The following PDE4D variants were observed in gnomAD, a reference collection of about 807,000 sequenced individuals.
PDE4D encodes the protein 3',5'-cyclic-AMP phosphodiesterase 4D.
In PDE4D, 24 loss-of-function variants were observed where a neutral mutation model predicts 87.4. The observed-to-expected ratio is 0.27, with a 90% CI of 0.20 to 0.39. PDE4D has a LOEUF of 0.39. Among genes scored for constraint, PDE4D ranks in the 10% least tolerant of loss-of-function variants. The pLI, the probability that PDE4D is intolerant of heterozygous loss-of-function variation, is 1.00. For synonymous variants in PDE4D, 384 were observed against 383.2 expected (o/e 1.00, Z -0.02); for missense variants, 714 against 1,041.0 (o/e 0.69, Z 4.32).
intron 1 of PDE4D, among the ~76,000 whole-genome samples, chr5:60,430,545 G>GTTTTTTTTTTTTT (rs1303120305): frequency 4.3e-5 from 5 of 116,348 alleles, no homozygotes; most frequent in African/African-American, 2.0e-4. Flanking sequence ...GTTTTTTTTT[G>GTTTTTTTTTTTTT]TTTGTTTTTT....
chr5:60,235,823 A>G (rs1209996829), intron 1 of PDE4D, among the ~76,000 whole-genome samples: 3 of 151,886 alleles, frequency 2.0e-5, no homozygotes, highest in African/African-American at 7.2e-5. Flanking sequence ...AAATATTTCA[A>G]TATAACAGAA....
chr5:59,824,233 A>G (rs920111087), intron 1 of PDE4D, among the ~76,000 whole-genome samples: 2 of 152,210 alleles, frequency 1.3e-5, no homozygotes, highest in African/African-American at 2.4e-5. Context: ...AATTTTATTA[A>G]TGAGATATTT....
chr5:59,275,537 A>C (rs1224994904), intron 1 of PDE4D: 1 of 1,457,796 alleles, frequency 6.9e-7, no homozygotes, highest in Non-Finnish European at 9.0e-7. Flanking sequence ...ATTTTCCTGG[A>C]GTCCATCTCC....
intron 6 of PDE4D, among the ~76,000 whole-genome samples, chr5:58,997,787 C>T (rs1042408053): frequency 6.6e-6 from 1 of 152,046 alleles, no homozygotes; most frequent in Non-Finnish European, 1.5e-5. Flanking sequence ...GCAGTTGAAT[C>T]TCAATACTGT....
chr5:59,715,824 C>T (rs1287554588), intron 1 of PDE4D, among the ~76,000 whole-genome samples: 2 of 152,168 alleles, frequency 1.3e-5, no homozygotes, highest in Admixed American at 6.5e-5. Context: ...ATTCGGGTAA[C>T]ATCATCATGG....
intron 1 of PDE4D, among the ~76,000 whole-genome samples, chr5:60,498,616 G>C (rs1749928777): frequency 1.3e-5 from 2 of 152,204 alleles, no homozygotes. Flanking sequence ...CTGCCCTCTT[G>C]TTCCTGTACT....
At chr5:59,909,134 A>G (rs1753163312) in intron 3 of PDE4D, among the ~76,000 whole-genome samples, 3 of 152,170 alleles carry the variant, frequency 2.0e-5, no homozygotes, top group Admixed American at 6.5e-5. Context: ...GGTCTTATCA[A>G]TTCTTCCTTC....
chr5:59,655,377 C>T (rs1744189663), intron 1 of PDE4D, among the ~76,000 whole-genome samples: 1 of 152,138 alleles, frequency 6.6e-6, no homozygotes, highest in African/African-American at 2.4e-5. Context: ...AAGGTAGAAG[C>T]ACTTACTGAT....
At chr5:59,727,588 A>G (rs1756788403) in intron 1 of PDE4D, among the ~76,000 whole-genome samples, 1 of 152,104 alleles carries the variant, frequency 6.6e-6, no homozygotes, top group Admixed American at 6.6e-5. Context: ...ATAAGTGAGA[A>G]TGAGATCCTC....
chr5:60,070,792 G>A (rs1348550843), intron 2 of PDE4D, among the ~76,000 whole-genome samples: 1 of 152,018 alleles, frequency 6.6e-6, no homozygotes, highest in Non-Finnish European at 1.5e-5. Flanking sequence ...AATTTCACCA[G>A]TGAAGCCACC....
chr5:59,343,962 A>G (rs1779204951), intron 1 of PDE4D, among the ~76,000 whole-genome samples: 1 of 152,180 alleles, frequency 6.6e-6, no homozygotes, highest in African/African-American at 2.4e-5. Flanking sequence ...CAACCTAACA[A>G]AATGTTGTGG....
chr5:60,513,329 G>A (rs1211573195), intron 1 of PDE4D, among the ~76,000 whole-genome samples: 2 of 152,050 alleles, frequency 1.3e-5, no homozygotes, highest in Non-Finnish European at 2.9e-5. Flanking sequence ...TAGATTTTAA[G>A]ACAAAACATT....
chr5:59,497,744 C>T (rs1807486558), intron 1 of PDE4D, among the ~76,000 whole-genome samples: 1 of 152,236 alleles, frequency 6.6e-6, no homozygotes, highest in South Asian at 2.1e-4. Flanking sequence ...ACTTGGAACA[C>T]ATATTTGAGG....
At chr5:60,219,534 A>G (rs1226205101) in intron 1 of PDE4D, among the ~76,000 whole-genome samples, 1 of 152,188 alleles carries the variant, frequency 6.6e-6, no homozygotes, top group East Asian at 1.9e-4. Context: ...TTACCTTACA[A>G]ATATAATTTA....
At chr5:59,383,374 C>G (rs1202430126) in intron 1 of PDE4D, among the ~76,000 whole-genome samples, 1 of 152,090 alleles carries the variant, frequency 6.6e-6, no homozygotes, top group Non-Finnish European at 1.5e-5. Flanking sequence ...CATTTGCCCA[C>G]GAATCTATCC....
At chr5:59,343,058 A>T (rs530631290) in intron 1 of PDE4D, among the ~76,000 whole-genome samples, 1 of 151,226 alleles carries the variant, frequency 6.6e-6, no homozygotes, top group African/African-American at 2.4e-5. Flanking sequence ...TGGGGGTATT[A>T]AGCCTAGTAT....
chr5:59,610,240 G>A (rs1176530095), intron 1 of PDE4D, among the ~76,000 whole-genome samples: 1 of 152,208 alleles, frequency 6.6e-6, no homozygotes, highest in Non-Finnish European at 1.5e-5. Context: ...AGTGAAAGAG[G>A]TTGTGTGAGT....
intron 1 of PDE4D, among the ~76,000 whole-genome samples, chr5:59,864,913 T>C (rs1746796947): frequency 2.0e-5 from 3 of 152,148 alleles, no homozygotes; most frequent in African/African-American, 7.2e-5. Context: ...GGTAGGATGC[T>C]GACAGGCCTG....
At chr5:59,173,290 C>T (rs949825024) in intron 5 of PDE4D, among the ~76,000 whole-genome samples, 12 of 152,128 alleles carry the variant, frequency 7.9e-5, no homozygotes, top group East Asian at 3.8e-4. Flanking sequence ...CAAAAAGCCA[C>T]GGTGTCAGAT....
Sources: gnomAD v4.1 joint callset for allele counts (sites outside exome capture counted in the v4.1 genomes callset) on GRCh38, gnomAD v4.1.1 for gene constraint, MANE v1.5 for transcripts, NCBI Gene and HGNC (gene_info 2026-07-23, HGNC 2026-07-21) for gene names.